Variants in FNDC1 observed in about 807,000 individuals in gnomAD.
FNDC1 encodes fibronectin type III domain-containing protein 1.
FNDC1 carries 96 observed loss-of-function variants against 168.0 expected under a neutral mutation model. That is an observed-to-expected ratio of 0.57 (90% CI 0.48 to 0.68). The LOEUF is 0.68. Ranked by LOEUF, FNDC1 falls within the 30% of genes least tolerant of loss-of-function variation. The pLI is 0.00. For synonymous variants in FNDC1, 1,099 were observed against 1,025.9 expected, an observed-to-expected ratio of 1.07 and a Z score of -1.36; for missense variants, 2,587 against 2,482.1, an observed-to-expected ratio of 1.04 and a Z score of -0.90.
At chr6:159,240,000 T>A (rs370492460) in intron 14 of FNDC1, 43 bp downstream of exon 14, 1 of 1,444,048 alleles carries the variant, frequency 6.9e-7, no homozygotes, top group Non-Finnish European at 9.2e-7. Context: ...CCAGGCACAC[T>A]AGCACGCCGC....
intron 1 of FNDC1, among the ~76,000 whole-genome samples, chr6:159,190,753 C>T (rs1562630923): frequency 3.3e-5 from 5 of 152,330 alleles, no homozygotes; most frequent in East Asian, 1.9e-4. Context: ...CACTTTTGTG[C>T]CCCATGCTTC....
rs1193760138 is a variant in FNDC1 at position 159,246,896 on chromosome 6, A to T, written c.4622-5A>T. ...ATGACTGGTCCTTTTCTCTGTCCTCACTAGATGAGTTCTCAGGCTTGGAGA... is the reference window on the plus strand; with the variant it reads ...ATGACTGGTCCTTTTCTCTGTCCTCTCTAGATGAGTTCTCAGGCTTGGAGA... On this transcript the variant is annotated splice_polypyrimidine_tract_variant and splice_region_variant and intron_variant, in intron 14 of 22. Coordinates refer to ENST00000297267, the MANE Select transcript of FNDC1 (RefSeq NM_032532.3). 1 of 1,608,636 alleles carries T rather than the reference A, an allele frequency of 6.2e-7. No homozygotes were observed. The highest frequency in any genetic ancestry group is 8.5e-7 in the Non-Finnish European group (1 of 1,175,012).
chr6:159,227,827 G>T (rs980819160), intron 9 of FNDC1, among the ~76,000 whole-genome samples: 128 of 152,062 alleles, frequency 8.4e-4, no homozygotes, highest in African/African-American at 2.9e-3. Flanking sequence ...TAAAAAAAAG[G>T]TCCATGCATT....
intron 5 of FNDC1, 39 bp downstream of exon 5, chr6:159,215,190 T>G: frequency 6.4e-7 from 1 of 1,557,992 alleles, no homozygotes. Flanking sequence ...GTTTCCATGG[T>G]CTTTGGGATC....
chr6:159,210,603 T>C (rs79207198), intron 4 of FNDC1, among the ~76,000 whole-genome samples: 2,266 of 152,290 alleles, frequency 0.015, 55 homozygotes, highest in African/African-American at 0.052. Context: ...AAGAGTACTG[T>C]AAATCAATTC....
In FNDC1 at chr6:159,206,635, T is replaced by A. The variant is rs536101753; in HGVS notation, c.460+6054T>A. ...GAAGATTGGGGTCACCTCTGTCTAGTTCAATGTTGATTCGGGGGGTTCTGG... is the reference window on the plus strand; with the variant it reads ...GAAGATTGGGGTCACCTCTGTCTAGATCAATGTTGATTCGGGGGGTTCTGG... On this transcript the variant is annotated intron_variant, in intron 4 of 22. Coordinates refer to ENST00000297267, the MANE Select transcript of FNDC1 (RefSeq NM_032532.3). 4.6e-5 allele frequency among the ~76,000 whole-genome samples: 7 copies of A among 152,312 alleles called. No homozygotes were observed. The East Asian group carries it at 1.2e-3, about 25-fold the overall frequency.
intron 22 of FNDC1, among the ~76,000 whole-genome samples, chr6:159,269,096 CT>C (rs1302902466): frequency 6.7e-6 from 1 of 149,676 alleles, no homozygotes; most frequent in Admixed American, 6.6e-5. Flanking sequence ...ATCTATCTAT[CT>C]ATCCATTTGT....
intron 11 of FNDC1, 108 bp downstream of exon 11, chr6:159,234,587 C>T: frequency 9.8e-7 from 1 of 1,020,060 alleles, no homozygotes; most frequent in Non-Finnish European, 1.5e-6. Flanking sequence ...TGTCCACGCA[C>T]CGTGTTAAGA....
chr6:159,219,046 CTT>C (rs11435161), intron 5 of FNDC1, among the ~76,000 whole-genome samples: 2 of 146,690 alleles, frequency 1.4e-5, no homozygotes, highest in Non-Finnish European at 3.0e-5. Context: ...AGTTTCCCCT[CTT>C]TTTTTTTTTT....
intron 15 of FNDC1, among the ~76,000 whole-genome samples, chr6:159,247,630 G>T (rs294909): frequency 0.87 from 132,859 of 152,208 alleles, 58,031 homozygotes; most frequent in East Asian, 0.99. Context: ...ACACCTGTAG[G>T]TCCAGCTACT....
Position 159,169,757 on chromosome 6 carries a change from CT to C in FNDC1, c.109+53del. On this transcript the variant is annotated intron_variant, in intron 1 of 22. Coordinates refer to ENST00000297267, the MANE Select transcript of FNDC1 (RefSeq NM_032532.3). This position sits in a 1 kb window ranked among gnomAD's most constrained non-coding sequence, Gnocchi z 6.8. ...GCTCCTCAGCTCCCCGCGCACCCTC[CT>C]GCGCTCGGGCCCCGTCGTCCCGCTC... is the stretch of plus-strand genomic sequence containing the variant. 2 of 729,348 alleles carry C rather than the reference CT, an allele frequency of 2.7e-6. No homozygotes were observed. The highest frequency in any genetic ancestry group is 3.6e-6 in the Non-Finnish European group (2 of 556,446). 45.2% of individuals were successfully genotyped at this position (729,348 alleles called of 1,614,324 possible). A position where few individuals can be genotyped will look rare whatever the true frequency, so the allele number is the denominator to read the frequency against.
chr6:159,190,756 C>A (rs537339910), intron 1 of FNDC1, among the ~76,000 whole-genome samples: 1 of 152,350 alleles, frequency 6.6e-6, no homozygotes, highest in East Asian at 1.9e-4. Context: ...TTTTGTGCCC[C>A]ATGCTTCAAG....
intron 2 of FNDC1, 137 bp from the exon 3 acceptor site, chr6:159,199,859 T>C: frequency 1.5e-6 from 1 of 682,542 alleles, no homozygotes; most frequent in Admixed American, 2.3e-5. Context: ...CATCTATCAT[T>C]ATGCTTGTCA....
intron 22 of FNDC1, among the ~76,000 whole-genome samples, chr6:159,268,244 T>C (rs1777632337): frequency 6.6e-6 from 1 of 151,918 alleles, no homozygotes; most frequent in African/African-American, 2.4e-5. Context: ...CATTATAAGG[T>C]GAAGACAAAA....
chr6:159,174,265 C>A (rs1324511914), intron 1 of FNDC1, among the ~76,000 whole-genome samples: 1 of 152,224 alleles, frequency 6.6e-6, no homozygotes, highest in Non-Finnish European at 1.5e-5. Flanking sequence ...TCATCCATCT[C>A]TTTTACCAAC....
intron 4 of FNDC1, among the ~76,000 whole-genome samples, chr6:159,213,584 G>C (rs149127165): frequency 3.3e-3 from 500 of 152,206 alleles, no homozygotes; most frequent in Non-Finnish European, 5.8e-3. Flanking sequence ...GCAGAGTTCA[G>C]GGCAGAGGAT....
At chr6:159,204,386 C>T (rs1055151444) in intron 4 of FNDC1, among the ~76,000 whole-genome samples, 36 of 152,272 alleles carry the variant, frequency 2.4e-4, no homozygotes, top group African/African-American at 8.7e-4. Flanking sequence ...TAGAGTTGAT[C>T]CCTTCCAAAA....
chr6:159,239,449 T>A (rs1783349945), intron 13 of FNDC1, 68 bp from the exon 14 acceptor site: 1 of 1,362,834 alleles, frequency 7.3e-7, no homozygotes, highest in South Asian at 1.5e-5. Context: ...AAGACACTTA[T>A]TGCTTGCTTT....
At chr6:159,224,327 G>A (rs571450567) in intron 7 of FNDC1, among the ~76,000 whole-genome samples, 1 of 152,288 alleles carries the variant, frequency 6.6e-6, no homozygotes, top group South Asian at 2.1e-4. Flanking sequence ...GATTAGTATA[G>A]CCATGAAAAT....
Sources: allele counts gnomAD v4.1 joint callset (sites outside exome capture counted in the v4.1 genomes callset), GRCh38; gene constraint gnomAD v4.1.1; non-coding constraint Gnocchi (gnomAD v3.1); transcripts MANE v1.5; gene names NCBI Gene and HGNC (gene_info 2026-07-23, HGNC 2026-07-21).